INVS: variants seen among roughly 807,000 people sequenced by gnomAD.
INVS encodes inversion of embryo turning homolog.
A neutral mutation model predicts 108.8 loss-of-function variants in INVS; 86 were observed. The observed-to-expected ratio is 0.79, with a 90% CI of 0.66 to 0.95. INVS has a LOEUF of 0.95. Ranked by LOEUF, INVS falls within the 40% of genes least tolerant of loss-of-function variation. The probability of loss-of-function intolerance (pLI) is 0.00; values close to 1 mark genes in which losing one functional copy is unlikely to be tolerated. For synonymous variants in INVS, 455 were observed against 473.5 expected, an observed-to-expected ratio of 0.96 and a Z score of 0.51; for missense variants, 1,169 against 1,297.4, an observed-to-expected ratio of 0.90 and a Z score of 1.52.
intron 13 of INVS, among the ~76,000 whole-genome samples, chr9:100,287,502 C>G (rs1833483652): frequency 6.6e-6 from 1 of 152,120 alleles, no homozygotes; most frequent in South Asian, 2.1e-4. Flanking sequence ...ATATTCTTAC[C>G]CCTTGATATG....
chr9:100,208,353 A>G (rs1032643808), intron 3 of INVS, among the ~76,000 whole-genome samples: 21 of 152,240 alleles, frequency 1.4e-4, no homozygotes, highest in African/African-American at 4.3e-4. Context: ...TATGGTCAGC[A>G]TTTGATTAAA....
chr9:100,276,502 A>G (rs1833117842), intron 12 of INVS, among the ~76,000 whole-genome samples: 1 of 151,836 alleles, frequency 6.6e-6, no homozygotes, highest in Admixed American at 6.6e-5. Flanking sequence ...CCACCACTCT[A>G]TACAAACCCT....
intron 2 of INVS, among the ~76,000 whole-genome samples, chr9:100,122,649 T>C (rs1344090023): frequency 7.4e-6 from 1 of 136,002 alleles, no homozygotes; most frequent in Non-Finnish European, 1.5e-5. Flanking sequence ...AGTGGCACGA[T>C]TTCGGCTTAC....
chr9:100,131,901 T>C (rs560501321), intron 3 of INVS: 2 of 981,154 alleles, frequency 2.0e-6, no homozygotes, highest in African/African-American at 3.5e-5. Flanking sequence ...ATGTTACTGA[T>C]TTACAAAAAG....
chr9:100,132,934 A>G (rs1828095404), intron 3 of INVS, among the ~76,000 whole-genome samples: 1 of 152,090 alleles, frequency 6.6e-6, no homozygotes, highest in Non-Finnish European at 1.5e-5. Flanking sequence ...GTGAAACCCC[A>G]TCTCTACTAA....
intron 2 of INVS, among the ~76,000 whole-genome samples, chr9:100,106,292 A>T (rs951695726): frequency 8.5e-5 from 13 of 152,084 alleles, no homozygotes; most frequent in Non-Finnish European, 1.9e-4. Context: ...TCTGTGTTCC[A>T]TCCCCTCCTG....
chr9:100,205,119 TAAAC>T (rs1830636770), intron 3 of INVS, among the ~76,000 whole-genome samples: 1 of 152,166 alleles, frequency 6.6e-6, no homozygotes, highest in South Asian at 2.1e-4. Flanking sequence ...TTGCTGAAAA[TAAAC>T]ATGTATCATG....
chr9:100,177,853 C>T (rs953538436), intron 3 of INVS, among the ~76,000 whole-genome samples: 3 of 152,264 alleles, frequency 2.0e-5, no homozygotes, highest in East Asian at 1.9e-4. Flanking sequence ...CAGCAGGGGC[C>T]GACAGACACC....
At chr9:100,237,839 T>C (rs1831738200) in intron 5 of INVS, among the ~76,000 whole-genome samples, 1 of 152,164 alleles carries the variant, frequency 6.6e-6, no homozygotes, top group Non-Finnish European at 1.5e-5. Context: ...CCCTTTAGTA[T>C]AGATCTTTCG....
intron 3 of INVS, among the ~76,000 whole-genome samples, chr9:100,145,235 G>T (rs1828563712): frequency 6.6e-6 from 1 of 151,826 alleles, no homozygotes; most frequent in Non-Finnish European, 1.5e-5. Flanking sequence ...GAGGGAAGGG[G>T]TTTGGGGGTT....
At chr9:100,183,997 T>C (rs1829979728) in intron 3 of INVS, among the ~76,000 whole-genome samples, 1 of 152,124 alleles carries the variant, frequency 6.6e-6, no homozygotes, top group South Asian at 2.1e-4. Flanking sequence ...ATAATGCAAC[T>C]ATACAATTGC....
chr9:100,111,899 A>G (rs541439111), intron 2 of INVS, among the ~76,000 whole-genome samples: 58 of 152,294 alleles, frequency 3.8e-4, no homozygotes, highest in Non-Finnish European at 7.5e-4. Flanking sequence ...CCATGAAGCC[A>G]CTGTCCCCCT....
intron 13 of INVS, among the ~76,000 whole-genome samples, chr9:100,292,111 G>GAT (rs368008912): frequency 1.3e-4 from 20 of 152,196 alleles, no homozygotes; most frequent in African/African-American, 4.8e-4. Context: ...CTTTCCAAAG[G>GAT]ATATCCACTA....
chr9:100,160,812 G>A (rs533653756), intron 3 of INVS, among the ~76,000 whole-genome samples: 214 of 152,064 alleles, frequency 1.4e-3, no homozygotes, highest in Non-Finnish European at 2.2e-3. Context: ...AAAGTTAGCC[G>A]GGCATGGTGG....
chr9:100,217,266 G>A (rs1347676718), intron 3 of INVS, among the ~76,000 whole-genome samples: 3 of 152,002 alleles, frequency 2.0e-5, no homozygotes, highest in Non-Finnish European at 4.4e-5. Flanking sequence ...CCAAGATCGC[G>A]CCACTGCACT....
chr9:100,252,828 CA>C, intron 9 of INVS, 78 bp from the exon 10 acceptor site: 1 of 950,312 alleles, frequency 1.1e-6, no homozygotes. Context: ...ATTTAAGGAA[CA>C]ATTGTTTTTT....
intron 6 of INVS, among the ~76,000 whole-genome samples, chr9:100,241,602 T>C (rs971400992): frequency 1.3e-5 from 2 of 152,212 alleles, no homozygotes; most frequent in African/African-American, 4.8e-5. Flanking sequence ...CACTTTCCTA[T>C]AGTATGTTTT....
chr9:100,227,464 A>T (rs1831365411), intron 4 of INVS, among the ~76,000 whole-genome samples: 1 of 152,164 alleles, frequency 6.6e-6, no homozygotes, highest in African/African-American at 2.4e-5. Context: ...ATTTTTTCTT[A>T]ATAATTATCC....
chr9:100,108,629 A>T lies in INVS; in HGVS notation c.106+4002A>T, dbSNP rs1266640679. 2.6e-5 allele frequency among the ~76,000 whole-genome samples: 4 copies of T among 152,044 alleles called. No individual in the cohort carries two copies. The East Asian group carries it at 7.7e-4, about 29-fold the overall frequency. ...ACTAGTGACATAGTACTACAGATGA[A>T]TTTTTTTTCTTGAATCCTTGTTCAC... On this transcript the variant is annotated intron_variant, in intron 2 of 16. Coordinates refer to ENST00000262457, the MANE Select transcript of INVS (RefSeq NM_014425.5).
Sources: gnomAD v4.1 joint callset for allele counts (sites outside exome capture counted in the v4.1 genomes callset) on GRCh38, gnomAD v4.1.1 for gene constraint, MANE v1.5 for transcripts, NCBI Gene and HGNC (gene_info 2026-07-23, HGNC 2026-07-21) for gene names.